RORA: variants seen among roughly 807,000 people sequenced by gnomAD.
The protein encoded by RORA is RAR related orphan receptor A.
In RORA, 7 loss-of-function variants were observed where a neutral mutation model predicts 69.5. That is an observed-to-expected ratio of 0.10 (90% confidence interval 0.06 to 0.19). The LOEUF (loss-of-function observed/expected upper bound fraction) is 0.19, where lower values mean the gene tolerates loss of function less well. RORA is among the 10% of genes least tolerant of loss of function. RORA has a pLI of 1.00. For synonymous variants in RORA, 261 were observed against 240.8 expected (o/e 1.08, Z -0.78); for missense variants, 457 against 663.0 (o/e 0.69, Z 3.41).
Position 60,495,427 on chromosome 15 carries a change from A to G in RORA, c.*2028T>C, listed in dbSNP as rs1041197797. ...ACTCTTACTATGTTTTTGGAAAAAA[A>G]GTTGGATGTTATTTAGGCTTCATAC... On this transcript the variant is annotated 3_prime_UTR_variant, in exon 11 of 11. Coordinates refer to ENST00000335670, the MANE Select transcript of RORA (RefSeq NM_134261.3). The G allele has an allele frequency of 4.7e-4, 72 of 152,208 alleles. No individual in the cohort carries two copies. Among genetic ancestry groups the G allele is most frequent in the African/African-American group, 1.7e-3 (72 of 41,452 alleles). 9.4% of individuals were successfully genotyped at this position (152,208 alleles called of 1,614,324 possible).
At chr15:61,210,282 C>T (rs2079979152) in intron 1 of RORA, among the ~76,000 whole-genome samples, 1 of 152,200 alleles carries the variant, frequency 6.6e-6, no homozygotes, top group Non-Finnish European at 1.5e-5. Context: ...TATAGCCAGT[C>T]TTTCTCTGAC....
chr15:61,136,246 C>G (rs1233320337), intron 1 of RORA, among the ~76,000 whole-genome samples: 2 of 149,248 alleles, frequency 1.3e-5, no homozygotes, highest in African/African-American at 4.9e-5. Flanking sequence ...GTGAGAATTT[C>G]TTCTTATACT....
At chr15:60,947,378 A>G (rs921709547) in intron 1 of RORA, among the ~76,000 whole-genome samples, 1 of 152,092 alleles carries the variant, frequency 6.6e-6, no homozygotes, top group African/African-American at 2.4e-5. Flanking sequence ...GATGCTGTTG[A>G]TCTTTGACCT....
intron 1 of RORA, among the ~76,000 whole-genome samples, chr15:60,692,800 A>C (rs1024651005): frequency 3.3e-5 from 5 of 152,130 alleles, no homozygotes; most frequent in Admixed American, 3.3e-4. Flanking sequence ...TCTCTCTAAA[A>C]CTGTGTGACT....
intron 1 of RORA, among the ~76,000 whole-genome samples, chr15:60,760,782 GC>G (rs2071873724): frequency 6.6e-6 from 1 of 152,134 alleles, no homozygotes; most frequent in Non-Finnish European, 1.5e-5. Context: ...ATCCAGTGGA[GC>G]TTTGGTATTC....
At chr15:60,542,431 A>G (rs1423034561) in intron 2 of RORA, among the ~76,000 whole-genome samples, 3 of 149,896 alleles carry the variant, frequency 2.0e-5, no homozygotes, top group Non-Finnish European at 4.4e-5. Context: ...CCACAGATGC[A>G]CACCTCACAG....
chr15:60,855,156 C>A (rs2073365886), intron 1 of RORA, among the ~76,000 whole-genome samples: 1 of 152,174 alleles, frequency 6.6e-6, no homozygotes, highest in Non-Finnish European at 1.5e-5. Context: ...GAGACACAGC[C>A]AATTTGGTAA....
At chr15:60,899,699 C>T (rs535188577) in intron 1 of RORA, among the ~76,000 whole-genome samples, 6 of 152,336 alleles carry the variant, frequency 3.9e-5, no homozygotes, top group Admixed American at 2.6e-4. Context: ...CAAAACAACT[C>T]CCCGCACTTC....
intron 1 of RORA, among the ~76,000 whole-genome samples, chr15:60,852,930 GTC>G (rs2073341124): frequency 6.6e-6 from 1 of 152,182 alleles, no homozygotes; most frequent in African/African-American, 2.4e-5. Flanking sequence ...ACATGGGCTG[GTC>G]CAGGTGGGAC....
chr15:61,221,855 C>T (rs1234472894), intron 1 of RORA, among the ~76,000 whole-genome samples: 1 of 151,262 alleles, frequency 6.6e-6, no homozygotes, highest in Non-Finnish European at 1.5e-5. Context: ...TTTCAGGAAA[C>T]TTTAAGATGT....
intron 1 of RORA, among the ~76,000 whole-genome samples, chr15:60,749,238 A>T (rs74634549): frequency 0.04 from 6,025 of 152,326 alleles, 136 homozygotes; most frequent in Non-Finnish European, 0.051. Flanking sequence ...TGTCTTTAAA[A>T]GTTTAGTACA....
intron 2 of RORA, among the ~76,000 whole-genome samples, chr15:60,629,366 T>C (rs949898455): frequency 6.6e-5 from 10 of 152,110 alleles, no homozygotes; most frequent in Admixed American, 5.9e-4. Flanking sequence ...TTTGCATTTT[T>C]AGTAGATACG....
At chr15:60,692,542 A>G (rs2070842859) in intron 1 of RORA, among the ~76,000 whole-genome samples, 1 of 152,252 alleles carries the variant, frequency 6.6e-6, no homozygotes, top group Non-Finnish European at 1.5e-5. Flanking sequence ...ACTTTTGAGC[A>G]GGATGCATGC....
At chr15:61,008,469 A>G (rs912867276) in intron 1 of RORA, among the ~76,000 whole-genome samples, 3 of 152,108 alleles carry the variant, frequency 2.0e-5, no homozygotes, top group Non-Finnish European at 4.4e-5. Flanking sequence ...AACAGGAATG[A>G]GCACAGGTCA....
chr15:60,631,688 A>G (rs552774086), intron 2 of RORA, among the ~76,000 whole-genome samples: 1 of 152,210 alleles, frequency 6.6e-6, no homozygotes, highest in Non-Finnish European at 1.5e-5. Flanking sequence ...GGAAAACAAG[A>G]AACAAAGAAT....
intron 1 of RORA, among the ~76,000 whole-genome samples, chr15:61,220,329 G>C (rs2080083646): frequency 6.6e-6 from 1 of 152,154 alleles, no homozygotes; most frequent in African/African-American, 2.4e-5. Flanking sequence ...ATTCCTGAGA[G>C]TACATGCTGT....
chr15:60,744,314 C>T (rs145700983), intron 1 of RORA, among the ~76,000 whole-genome samples: 2 of 152,132 alleles, frequency 1.3e-5, no homozygotes, highest in Non-Finnish European at 1.5e-5. Context: ...TGTGCTGACA[C>T]GGGGGACATG....
At chr15:60,522,495 C>G (rs574449427) in intron 3 of RORA, among the ~76,000 whole-genome samples, 3 of 151,732 alleles carry the variant, frequency 2.0e-5, no homozygotes, top group South Asian at 2.1e-4. Context: ...AGGTGATGGC[C>G]CAATGCAGTG....
chr15:60,705,497 C>T (rs900607473), intron 1 of RORA, among the ~76,000 whole-genome samples: 2 of 152,058 alleles, frequency 1.3e-5, no homozygotes, highest in African/African-American at 4.8e-5. Flanking sequence ...ATTGTAGGGG[C>T]AAAAGGCCGT....
Sources: gnomAD v4.1 joint callset for allele counts (sites outside exome capture counted in the v4.1 genomes callset) on GRCh38, gnomAD v4.1.1 for gene constraint, MANE v1.5 for transcripts, NCBI Gene and HGNC (gene_info 2026-07-23, HGNC 2026-07-21) for gene names.